The following LYZL6 variants were observed in gnomAD, a reference collection of about 807,000 sequenced individuals.
LYZL6 encodes lysozyme-like protein 6.
LYZL6 carries 21 observed loss-of-function variants against 15.0 expected under a neutral mutation model. The ratio of observed to expected loss-of-function variants is 1.40; its 90% confidence interval spans 1.00 to 2.02. The LOEUF (loss-of-function observed/expected upper bound fraction) is 2.02. Among genes scored for constraint, LYZL6 ranks in the 30% most tolerant of loss-of-function variants. LYZL6 has a pLI of 0.00. For synonymous variants in LYZL6, 72 were observed against 67.8 expected, an observed-to-expected ratio of 1.06 and a Z score of -0.31; for missense variants, 173 against 180.5, an observed-to-expected ratio of 0.96 and a Z score of 0.24.
chr17:35,936,754 C>T lies in LYZL6; in HGVS notation c.377+1G>A. The T allele has an allele frequency of 6.2e-7, 1 of 1,613,280 alleles. No individual in the cohort carries two copies. ...GCTGAGTCCCACCGTGTCCTCCTCACCAGTTGTTCATCCCCCGTGCTCCGG... is the reference window on the plus strand; with the variant it reads ...GCTGAGTCCCACCGTGTCCTCCTCATCAGTTGTTCATCCCCCGTGCTCCGG... On this transcript the variant is annotated splice_donor_variant, in intron 4 of 4. Coordinates refer to ENST00000615905, the MANE Select transcript of LYZL6 (RefSeq NM_020426.4). LOFTEE classifies it high-confidence loss of function.
intron 4 of LYZL6, among the ~76,000 whole-genome samples, 173 bp from the exon 5 acceptor site, chr17:35,935,038 T>C (rs190212760): frequency 5.3e-5 from 8 of 152,212 alleles, no homozygotes; most frequent in African/African-American, 1.7e-4. Flanking sequence ...TAAAACTCTC[T>C]CATCTCTGGT....
At chr17:35,936,624 G>T in intron 4 of LYZL6, 131 bp downstream of exon 4, 3 of 707,978 alleles carry the variant, frequency 4.2e-6, no homozygotes, top group East Asian at 2.5e-5. Flanking sequence ...AGAGTTCCAA[G>T]CCCGTCCGCT....
At chr17:35,936,876 G>A (rs2089378591) in intron 3 of LYZL6, 43 bp from the exon 4 acceptor site, 1 of 1,561,312 alleles carries the variant, frequency 6.4e-7, no homozygotes, top group South Asian at 1.1e-5. Flanking sequence ...ACAGAAGACA[G>A]CCCCAAAGAT....
At position 35,937,756 on chromosome 17, in the gene LYZL6, A is replaced by T. The variant is rs766101219; in HGVS notation, c.298+2T>A. ...TCTCCCACCCTGGGGCCCTGGCCAGACCTTGACAGTCTACGTGGCAAAGGT... is the reference window on the plus strand; with the variant it reads ...TCTCCCACCCTGGGGCCCTGGCCAGTCCTTGACAGTCTACGTGGCAAAGGT... On this transcript the variant is annotated splice_donor_variant, in intron 3 of 4. Transcript: ENST00000615905. LOFTEE classifies it high-confidence loss of function. The T allele has an allele frequency of 4.3e-6, 7 of 1,613,828 alleles. No individual in the cohort carries two copies. In the South Asian group the frequency reaches 6.6e-5, roughly 15 times the overall value.
Position 35,934,700 on chromosome 17 carries a change from A to T in LYZL6, c.*96T>A. 1 of 1,193,778 alleles carries T rather than the reference A, an allele frequency of 8.4e-7. No homozygotes were observed. The highest frequency in any genetic ancestry group is 1.2e-6 in the Non-Finnish European group (1 of 818,606). The allele number at this position is 1,193,778 out of a possible 1,614,324, so 73.9% of individuals were successfully genotyped here. ...TAGTTGTAAATGGGAAGGGAAGAAA[A>T]TAACATGAAGTGGAGGCAGTAGGAA... On this transcript the variant is annotated 3_prime_UTR_variant, in exon 5 of 5. Coordinates refer to ENST00000615905, the MANE Select transcript of LYZL6 (RefSeq NM_020426.4).
At position 35,939,339 on chromosome 17, in the gene LYZL6, G is replaced by C; in HGVS notation, c.18C>G (p.Leu6=). MTKAL[L]IYLVSSFLAL... ...CAAGAAAGCTGCTGACCAAATAGAT[G>C]AGTAGCGCCTTTGTCATCCTTGGAG... The change falls in exon 2 of 5, where the codon CTC becomes CTG. Residue 6 remains leucine, a synonymous_variant. Coordinates refer to ENST00000615905, the MANE Select transcript of LYZL6 (RefSeq NM_020426.4). 1 of 1,614,138 alleles carries C rather than the reference G, an allele frequency of 6.2e-7. No homozygotes were observed.
At chr17:35,937,088 TAG>T (rs2089381115) in intron 3 of LYZL6, among the ~76,000 whole-genome samples, 1 of 152,206 alleles carries the variant, frequency 6.6e-6, no homozygotes, top group African/African-American at 2.4e-5. Flanking sequence ...CCAGGGTAGA[TAG>T]TGGTTCACTC....
At chr17:35,942,921 T>C (rs2089434816) in intron 1 of LYZL6, among the ~76,000 whole-genome samples, 1 of 152,150 alleles carries the variant, frequency 6.6e-6, no homozygotes, top group African/African-American at 2.4e-5. Context: ...AGACACAGAC[T>C]AAAAGTTGAT....
intron 2 of LYZL6, 60 bp from the exon 3 acceptor site, chr17:35,937,976 A>T (rs2089391416): frequency 6.5e-7 from 1 of 1,547,908 alleles, no homozygotes; most frequent in African/African-American, 1.4e-5. Context: ...GAGAAGGGAG[A>T]TGGAGGAGAA....
chr17:35,939,211 T>C lies in LYZL6; in HGVS notation c.139+7A>G. The C allele has an allele frequency of 6.2e-7, 1 of 1,612,900 alleles. No homozygotes were observed. The highest frequency in any genetic ancestry group is 1.7e-4 in the Middle Eastern group (1 of 6,048). On this transcript the variant is annotated splice_region_variant and intron_variant, in intron 2 of 4. Transcript: ENST00000615905. ...GAAATGGCTGGGGAGGGGCGGATGG[T>C]ACTCACAGTCACTCAGGGAGTAACC... is the stretch of plus-strand genomic sequence containing the variant.
Position 35,936,818 on chromosome 17 carries a change from T to C in LYZL6, c.314A>G (p.Asn105Ser). The change falls in exon 4 of 5, where the codon AAC becomes AGC. Residue 105 changes from asparagine (N) to serine (S), a missense_variant. By Grantham distance (46) the Asn-to-Ser change is conservative. Transcript: ENST00000615905. ...TGCGCAGTGGATGCCTGCAAGAAGG[T>C]TGGGATTCAGCAGATCTGAAAGGGA... is the stretch of plus-strand genomic sequence containing the variant. ...HVDCQDLLNP[N>S]LLAGIHCAKR... 6 of 1,613,522 alleles carry C rather than the reference T, an allele frequency of 3.7e-6. No individual in the cohort carries two copies. The highest frequency in any genetic ancestry group is 5.1e-6 in the Non-Finnish European group (6 of 1,179,938).
intron 1 of LYZL6, among the ~76,000 whole-genome samples, chr17:35,940,749 C>G (rs1598709613): frequency 6.6e-6 from 1 of 152,334 alleles, no homozygotes; most frequent in Admixed American, 6.5e-5. Flanking sequence ...ACATTTCATA[C>G]ACACGGAGTT....
intron 1 of LYZL6, among the ~76,000 whole-genome samples, chr17:35,942,528 T>C (rs769648037): frequency 9.9e-5 from 15 of 152,160 alleles, no homozygotes; most frequent in Admixed American, 2.6e-4. Flanking sequence ...AGAAACTACT[T>C]AGGTAGACAG....
At position 35,937,908 on chromosome 17, in the gene LYZL6, G is replaced by A. The variant is rs927776600; in HGVS notation, c.148C>T (p.Leu50=). 6.2e-7 allele frequency: 1 copy of A among 1,613,724 alleles called. No individual in the cohort carries two copies. The highest frequency in any genetic ancestry group is 8.5e-7 in the Non-Finnish European group (1 of 1,179,992). ...TTGAACTTGCTTTCCACAAAAGCCA[G>A]GCACAGCCCTTAGAGTAGGGAGAAG... ...EGYSLSDWLC[L]AFVESKFNIS... Residue 50 remains leucine, a synonymous_variant, in exon 3 of 5, where the codon CTG becomes TTG. Coordinates refer to ENST00000615905, the MANE Select transcript of LYZL6 (RefSeq NM_020426.4).
chr17:35,942,844 T>C (rs2089434092), intron 1 of LYZL6, among the ~76,000 whole-genome samples: 1 of 152,178 alleles, frequency 6.6e-6, no homozygotes, highest in Non-Finnish European at 1.5e-5. Context: ...TCGATGGGTA[T>C]GCCTACAGCT....
Position 35,939,458 on chromosome 17 carries a change from C to G in LYZL6, c.-102G>C. ...AGCCTGGGGAATCTGGAGAGGGCAG[C>G]CAGGTTTCCTTACTCACTCACTGCT... is the stretch of plus-strand genomic sequence containing the variant. On this transcript the variant is annotated 5_prime_UTR_variant, in exon 2 of 5. Coordinates refer to ENST00000615905, the MANE Select transcript of LYZL6 (RefSeq NM_020426.4). 8.0e-7 allele frequency: 1 copy of G among 1,248,696 alleles called. No homozygotes were observed. Among genetic ancestry groups the G allele is most frequent in the Non-Finnish European group, 1.1e-6 (1 of 892,402 alleles). 77.4% of individuals were successfully genotyped at this position (1,248,696 alleles called of 1,614,324 possible). A position where few individuals can be genotyped will look rare whatever the true frequency, so the allele number is the denominator to read the frequency against.
intron 1 of LYZL6, among the ~76,000 whole-genome samples, chr17:35,940,354 AGGAAAG>A (rs2089416383): frequency 6.6e-6 from 1 of 152,216 alleles, no homozygotes; most frequent in Non-Finnish European, 1.5e-5. Flanking sequence ...AGGCTGGAGC[AGGAAAG>A]GGTTATGAGA....
intron 4 of LYZL6, among the ~76,000 whole-genome samples, chr17:35,936,092 G>A (rs964900578): frequency 6.6e-6 from 1 of 152,224 alleles, no homozygotes; most frequent in Non-Finnish European, 1.5e-5. Context: ...TGGGATTACA[G>A]GCGTGAGCCA....
In LYZL6 at chr17:35,934,822, A is replaced by C; in HGVS notation, c.421T>G (p.Trp141Gly). The C allele has an allele frequency of 6.2e-6, 10 of 1,614,222 alleles. No individual in the cohort carries two copies. Among genetic ancestry groups the C allele is most frequent in the Non-Finnish European group, 8.5e-6 (10 of 1,180,042 alleles). ...LHCSGRPLFY[W>G]LTGCRLR ...CATCTCAGGCGGCATCCTGTCAGCC[A>C]GTAGAAGAGTGGCCGGCCTGAACAG... The change falls in exon 5 of 5, where the codon TGG becomes GGG. Residue 141 changes from tryptophan to glycine, a missense_variant. Trp to Gly is a radical substitution (Grantham distance 184). Transcript: ENST00000615905.
Sources: allele counts gnomAD v4.1 joint callset (sites outside exome capture counted in the v4.1 genomes callset), GRCh38; gene constraint gnomAD v4.1.1; transcripts MANE v1.5; gene names NCBI Gene and HGNC (gene_info 2026-07-23, HGNC 2026-07-21).